FRMD3: variants seen among roughly 807,000 people sequenced by gnomAD.
The protein encoded by FRMD3 is FERM domain containing 3, also known as FERM domain-containing protein 3.
In FRMD3, 33 loss-of-function variants were observed where a neutral mutation model predicts 70.2. The observed-to-expected ratio is 0.47, with a 90% CI of 0.36 to 0.63. FRMD3 has a LOEUF of 0.63. FRMD3 is among the 20% of genes least tolerant of loss of function. The probability of loss-of-function intolerance (pLI) is 0.00; values close to 1 mark genes in which losing one functional copy is unlikely to be tolerated. For synonymous variants in FRMD3, 279 were observed against 255.9 expected (o/e 1.09, Z -0.86); for missense variants, 632 against 711.4 (o/e 0.89, Z 1.27).
chr9:83,354,010 C>CG (rs1461399689), intron 3 of FRMD3, among the ~76,000 whole-genome samples: 1 of 152,094 alleles, frequency 6.6e-6, no homozygotes, highest in Non-Finnish European at 1.5e-5. Context: ...CTGCAACCTC[C>CG]GCCTCTTGGG....
rs1587467947 is a variant in FRMD3 at position 83,490,920 on chromosome 9, C to T, written c.147+47165G>A. Among the ~76,000 whole-genome samples the T allele has an allele frequency of 3.3e-5, 5 of 152,024 alleles. No homozygotes were observed. In the East Asian group the frequency reaches 9.7e-4, roughly 29 times the overall value. Reference sequence around the variant, plus strand: ...AATCAAATATTTTAATCCAGCCAATCCCAAAATATGTCCTGAGCTCAAGGT... The same window carrying T: ...AATCAAATATTTTAATCCAGCCAATTCCAAAATATGTCCTGAGCTCAAGGT... On this transcript the variant is annotated intron_variant, in intron 1 of 13. Coordinates refer to ENST00000304195, the MANE Select transcript of FRMD3 (RefSeq NM_174938.6).
rs374386880 is a variant in FRMD3 at position 83,357,272 on chromosome 9, T to A, written c.296-7515A>T. On this transcript the variant is annotated intron_variant, in intron 3 of 13. Coordinates refer to ENST00000304195, the MANE Select transcript of FRMD3 (RefSeq NM_174938.6). Reference sequence around the variant, plus strand: ...ATATATATATATATATATATATATATATATATATATATATATATATATATA... The same window carrying A: ...ATATATATATATATATATATATATAAATATATATATATATATATATATATA... Among the ~76,000 whole-genome samples the A allele has an allele frequency of 4.8e-5, 3 of 61,968 alleles. 1 individual carries two copies. Among genetic ancestry groups the A allele is most frequent in the African/African-American group, 2.6e-4 (3 of 11,590 alleles). The allele number at this position is 61,968 out of a possible 152,430, so 40.7% of individuals were successfully genotyped here.
intron 1 of FRMD3, among the ~76,000 whole-genome samples, chr9:83,520,641 C>T (rs1276553275): frequency 6.6e-6 from 1 of 152,204 alleles, no homozygotes. Flanking sequence ...GGCTACCAAA[C>T]TGGACAGCAC....
intron 4 of FRMD3, among the ~76,000 whole-genome samples, chr9:83,348,935 TA>T (rs973225802): frequency 6.6e-6 from 1 of 152,192 alleles, no homozygotes; most frequent in African/African-American, 2.4e-5. Context: ...CAGAGCAGAT[TA>T]CACTTGCTTT....
the FRMD3 span, among the ~76,000 whole-genome samples, chr9:83,580,938 G>T: frequency 6.6e-6 from 1 of 151,930 alleles, no homozygotes; most frequent in East Asian, 1.9e-4. Flanking sequence ...AACTTCAGAA[G>T]AAAACAAAGC....
chr9:83,349,827 G>C, intron 3 of FRMD3, 70 bp from the exon 4 acceptor site: 3 of 1,190,434 alleles, frequency 2.5e-6, no homozygotes, highest in Non-Finnish European at 2.5e-6. Context: ...ACACGGGAAA[G>C]GCAGCCGTGC....
the FRMD3 span, among the ~76,000 whole-genome samples, chr9:83,549,844 CA>C: frequency 3.3e-5 from 5 of 152,010 alleles, no homozygotes; most frequent in African/African-American, 1.2e-4. Flanking sequence ...AGATGCTGGA[CA>C]TTAGACCTTT....
chr9:83,476,338 C>A (rs935972836), intron 1 of FRMD3, among the ~76,000 whole-genome samples: 7 of 148,882 alleles, frequency 4.7e-5, no homozygotes, highest in Admixed American at 2.0e-4. Context: ...GAGCCAAGAT[C>A]ACTCCATTAC....
chr9:83,356,795 A>G (rs1824359606), intron 3 of FRMD3, among the ~76,000 whole-genome samples: 1 of 151,752 alleles, frequency 6.6e-6, no homozygotes, highest in Admixed American at 6.6e-5. Flanking sequence ...TGGTTACATG[A>G]ATAAGTTCTT....
At chr9:83,437,655 C>A (rs183797059) in intron 1 of FRMD3, among the ~76,000 whole-genome samples, 163 of 152,218 alleles carry the variant, frequency 1.1e-3, no homozygotes, top group African/African-American at 3.7e-3. Flanking sequence ...CTTCCTCCAA[C>A]CAATACCAAG....
intron 13 of FRMD3, among the ~76,000 whole-genome samples, chr9:83,266,643 AGGAGG>A (rs2118757463): frequency 6.6e-6 from 1 of 152,300 alleles, no homozygotes; most frequent in East Asian, 1.9e-4. Context: ...CAACAATGAA[AGGAGG>A]GGGAGCGTGT....
At chr9:83,484,720 T>A (rs1828647098) in intron 1 of FRMD3, among the ~76,000 whole-genome samples, 1 of 152,190 alleles carries the variant, frequency 6.6e-6, no homozygotes, top group African/African-American at 2.4e-5. Context: ...GCCCAGCCTG[T>A]GTTGCCAATT....
chr9:83,452,848 C>CTTTTTTTTTTTTTTTTT, intron 1 of FRMD3, among the ~76,000 whole-genome samples: 1 of 72,362 alleles, frequency 1.4e-5, no homozygotes, highest in Non-Finnish European at 2.4e-5. Context: ...TTTTTATTGC[C>CTTTTTTTTTTTTTTTTT]TTTTTTTTTT....
At chr9:83,311,597 G>A (rs1029416013) in intron 8 of FRMD3, among the ~76,000 whole-genome samples, 5 of 152,016 alleles carry the variant, frequency 3.3e-5, no homozygotes, top group Admixed American at 6.6e-5. Context: ...TGACCCATCC[G>A]TGTGCCCCCC....
intron 10 of FRMD3, among the ~76,000 whole-genome samples, chr9:83,307,420 C>T (rs1324560921): frequency 6.6e-6 from 1 of 152,222 alleles, no homozygotes; most frequent in Admixed American, 6.5e-5. Context: ...AAGTGAGCAT[C>T]AACTGATGAA....
chr9:83,562,046 G>A, the FRMD3 span, among the ~76,000 whole-genome samples: 2 of 152,178 alleles, frequency 1.3e-5, no homozygotes, highest in African/African-American at 4.8e-5. Flanking sequence ...TGTATATTTG[G>A]AGAATAAAGG....
chr9:83,356,797 T>C (rs1213097776), intron 3 of FRMD3, among the ~76,000 whole-genome samples: 4 of 151,958 alleles, frequency 2.6e-5, no homozygotes, highest in Non-Finnish European at 5.9e-5. Context: ...GTTACATGAA[T>C]AAGTTCTTTA....
chr9:83,576,144 G>A, the FRMD3 span, among the ~76,000 whole-genome samples: 1 of 152,048 alleles, frequency 6.6e-6, no homozygotes, highest in Admixed American at 6.6e-5. Context: ...AAAAAATCCT[G>A]AACGAAATAC....
chr9:83,335,739 G>A lies in FRMD3; in HGVS notation c.473-100C>T, dbSNP rs1823556848. On this transcript the variant is annotated intron_variant, in intron 5 of 13. Transcript: ENST00000304195. ...CTCCTGCCATCCAAAAGAAGAGGCT[G>A]GAATAAACTCACCCAAAAATATGTA... 1.7e-5 allele frequency: 17 copies of A among 998,342 alleles called. No homozygotes were observed. The East Asian group carries it at 4.5e-4, about 26-fold the overall frequency. The allele number at this position is 998,342 out of a possible 1,614,324, so 61.8% of individuals were successfully genotyped here.
Sources: allele counts gnomAD v4.1 joint callset (sites outside exome capture counted in the v4.1 genomes callset), GRCh38; gene constraint gnomAD v4.1.1; transcripts MANE v1.5; gene names NCBI Gene and HGNC (gene_info 2026-07-23, HGNC 2026-07-21).